Variants in ACBD6 observed in about 807,000 individuals in gnomAD.
The protein encoded by ACBD6 is acyl-CoA-binding domain-containing protein 6.
A neutral mutation model predicts 37.2 loss-of-function variants in ACBD6; 28 were observed. The ratio of observed to expected loss-of-function variants is 0.75; its 90% confidence interval spans 0.56 to 1.03. ACBD6 has a LOEUF of 1.03. ACBD6 is among the 50% of genes least tolerant of loss of function. The probability of loss-of-function intolerance (pLI) is 0.00; values close to 1 mark genes in which losing one functional copy is unlikely to be tolerated. For missense variants in ACBD6, 340 were observed against 337.4 expected (o/e 1.01, Z -0.06); for synonymous variants, 113 against 126.8 (o/e 0.89, Z 0.73).
At chr1:180,334,122 C>T (rs1651599959) in intron 6 of ACBD6, among the ~76,000 whole-genome samples, 1 of 152,218 alleles carries the variant, frequency 6.6e-6, no homozygotes, top group Non-Finnish European at 1.5e-5. Flanking sequence ...CAGCAGAAAC[C>T]TCTGCAGACT....
At chr1:180,497,709 T>C (rs1651792188) in intron 1 of ACBD6, among the ~76,000 whole-genome samples, 1 of 152,212 alleles carries the variant, frequency 6.6e-6, no homozygotes, top group African/African-American at 2.4e-5. Flanking sequence ...CTGTTTTACA[T>C]TTTTTAATTT....
chr1:180,427,848 A>C (rs768536057), intron 4 of ACBD6, among the ~76,000 whole-genome samples: 1 of 149,990 alleles, frequency 6.7e-6, no homozygotes, highest in Non-Finnish European at 1.5e-5. Flanking sequence ...TGAATCCAGG[A>C]GGCAGATGTT....
At chr1:180,472,407 A>T (rs1650603984) in intron 3 of ACBD6, among the ~76,000 whole-genome samples, 1 of 152,352 alleles carries the variant, frequency 6.6e-6, no homozygotes, top group East Asian at 1.9e-4. Flanking sequence ...TTCATCAGGC[A>T]TTCCTGGAAA....
intron 3 of ACBD6, among the ~76,000 whole-genome samples, chr1:180,445,596 C>T (rs1295567032): frequency 6.6e-6 from 1 of 152,048 alleles, no homozygotes; most frequent in Non-Finnish European, 1.5e-5. Context: ...AAGACTCATA[C>T]AGATTTCAAA....
At chr1:180,482,140 T>A (rs528082766) in intron 3 of ACBD6, among the ~76,000 whole-genome samples, 187 of 152,280 alleles carry the variant, frequency 1.2e-3, no homozygotes, top group African/African-American at 3.9e-3. Flanking sequence ...GTTATTTTTT[T>A]AAATATAAAT....
At chr1:180,304,690 T>C (rs1162575642) in intron 7 of ACBD6, among the ~76,000 whole-genome samples, 1 of 150,848 alleles carries the variant, frequency 6.6e-6, no homozygotes, top group Non-Finnish European at 1.5e-5. Flanking sequence ...AGGTAATTTA[T>C]AGATTCAATG....
intron 3 of ACBD6, among the ~76,000 whole-genome samples, chr1:180,442,721 TG>T (rs1649328858): frequency 6.6e-6 from 1 of 152,222 alleles, no homozygotes; most frequent in African/African-American, 2.4e-5. Flanking sequence ...TCAAGTTCAC[TG>T]ATCTTATGCA....
At chr1:180,463,537 G>A (rs760272499) in intron 3 of ACBD6, among the ~76,000 whole-genome samples, 12 of 151,824 alleles carry the variant, frequency 7.9e-5, no homozygotes, top group African/African-American at 2.9e-4. Flanking sequence ...GACGAATAAC[G>A]AGCTCTGAAG....
At chr1:180,324,877 A>C (rs190201096) in intron 6 of ACBD6, among the ~76,000 whole-genome samples, 9 of 152,122 alleles carry the variant, frequency 5.9e-5, no homozygotes, top group East Asian at 1.9e-4. Context: ...TTCTAGGGTA[A>C]ATTTTTTTTT....
chr1:180,430,272 G>A lies in ACBD6; in HGVS notation c.385-10C>T. Reference sequence around the variant, plus strand: ...CTTTCTTCTCTGGTATCTGTGGGAAGGAGAAAAAAAAGTGAAAAAAAGACA... The same window carrying A: ...CTTTCTTCTCTGGTATCTGTGGGAAAGAGAAAAAAAAGTGAAAAAAAGACA... On this transcript the variant is annotated splice_polypyrimidine_tract_variant and intron_variant, in intron 3 of 7. Transcript: ENST00000367595. The A allele has an allele frequency of 1.2e-6, 2 of 1,610,914 alleles. No individual in the cohort carries two copies. Among genetic ancestry groups the A allele is most frequent in the East Asian group, 2.2e-5 (1 of 44,782 alleles).
chr1:180,382,527 ACC>A (rs1409500378), intron 6 of ACBD6, among the ~76,000 whole-genome samples: 1 of 152,204 alleles, frequency 6.6e-6, no homozygotes, highest in East Asian at 1.9e-4. Context: ...ACCTGAATAG[ACC>A]AACAGTGAGT....
chr1:180,296,336 G>A (rs887104854), intron 7 of ACBD6, among the ~76,000 whole-genome samples: 1 of 152,252 alleles, frequency 6.6e-6, no homozygotes, highest in Non-Finnish European at 1.5e-5. Flanking sequence ...AGGTAAAGCA[G>A]TAAGTGCTGA....
At chr1:180,282,838 G>T (rs1649351776) in intron 8 of ACBD6, among the ~76,000 whole-genome samples, 1 of 152,054 alleles carries the variant, frequency 6.6e-6, no homozygotes, top group South Asian at 2.1e-4. Flanking sequence ...GCCAAGCTTC[G>T]TTCAGAATGC....
At chr1:180,310,552 A>AGC (rs1298865781) in intron 7 of ACBD6, among the ~76,000 whole-genome samples, 3 of 152,236 alleles carry the variant, frequency 2.0e-5, no homozygotes, top group African/African-American at 7.2e-5. Flanking sequence ...AAATATTACA[A>AGC]GCATGGCATG....
At chr1:180,460,028 C>T (rs1007565654) in intron 3 of ACBD6, among the ~76,000 whole-genome samples, 1 of 144,526 alleles carries the variant, frequency 6.9e-6, no homozygotes, top group African/African-American at 2.6e-5. Flanking sequence ...ATGTGCACAA[C>T]GTGCAGCTTT....
intron 6 of ACBD6, among the ~76,000 whole-genome samples, chr1:180,372,751 G>C (rs919306151): frequency 1.3e-5 from 2 of 152,138 alleles, no homozygotes; most frequent in Non-Finnish European, 1.5e-5. Flanking sequence ...CAGTGTTCTT[G>C]AGAGTATCAC....
At chr1:180,285,165 G>A (rs991415712), downstream of ACBD6, among the ~76,000 whole-genome samples, 4 of 152,040 alleles carry the variant, frequency 2.6e-5, no homozygotes, top group Non-Finnish European at 4.4e-5. Flanking sequence ...AAAAAACGGC[G>A]TAACTGCTGT....
intron 5 of ACBD6, among the ~76,000 whole-genome samples, chr1:180,401,000 T>C (rs1558283649): frequency 6.6e-6 from 1 of 152,126 alleles, no homozygotes; most frequent in Non-Finnish European, 1.5e-5. Context: ...ATGAGTGATA[T>C]AATCTCTTAT....
rs74500921 is a variant in ACBD6, at chr1:180,322,966, T to C, written c.664-8244A>G. On this transcript the variant is annotated intron_variant, in intron 6 of 7. Coordinates refer to ENST00000367595, the MANE Select transcript of ACBD6 (RefSeq NM_032360.4). ...TCTTTAGGATGCACCATTAGGTTAT[T>C]GGAAGTTTTTCTTCTTTTTTGATGC... Among the ~76,000 whole-genome samples the C allele has an allele frequency of 1.1e-3, 165 of 151,986 alleles. 5 individuals are homozygous for C. The East Asian group carries it at 0.03, about 28-fold the overall frequency.
Sources: allele counts gnomAD v4.1 joint callset (sites outside exome capture counted in the v4.1 genomes callset), GRCh38; gene constraint gnomAD v4.1.1; transcripts MANE v1.5; gene names NCBI Gene and HGNC (gene_info 2026-07-23, HGNC 2026-07-21).